The following SLIT3 variants were observed in gnomAD, a reference collection of about 807,000 sequenced individuals.
The protein encoded by SLIT3 is slit guidance ligand 3.
Under a neutral mutation model 184.0 loss-of-function variants are expected in SLIT3, and 68 were observed. That is an observed-to-expected ratio of 0.37 (90% CI 0.30 to 0.45). The LOEUF is 0.45. Among genes scored for constraint, SLIT3 ranks in the 20% least tolerant of loss-of-function variants. The pLI, the probability that SLIT3 is intolerant of heterozygous loss-of-function variation, is 1.00. For synonymous variants in SLIT3, 831 were observed against 828.6 expected, an observed-to-expected ratio of 1.00 and a Z score of -0.05; for missense variants, 1,707 against 2,026.0, an observed-to-expected ratio of 0.84 and a Z score of 3.02.
chr5:169,197,193 T>C (rs1218275203), intron 3 of SLIT3, among the ~76,000 whole-genome samples: 1 of 152,164 alleles, frequency 6.6e-6, no homozygotes, highest in East Asian at 1.9e-4. Flanking sequence ...AATTGTGTGC[T>C]GCCCACTGCT....
At chr5:168,918,288 T>C (rs1761510671) in intron 4 of SLIT3, among the ~76,000 whole-genome samples, 1 of 152,138 alleles carries the variant, frequency 6.6e-6, no homozygotes, top group Non-Finnish European at 1.5e-5. Flanking sequence ...AAATTCAAGG[T>C]GTGGAGAGAC....
intron 32 of SLIT3, among the ~76,000 whole-genome samples, chr5:168,676,251 T>G (rs929228390): frequency 5.9e-5 from 9 of 152,206 alleles, no homozygotes; most frequent in Non-Finnish European, 1.0e-4. Context: ...CACCTCGTCC[T>G]GGGTGCTGTG....
At position 169,251,466 on chromosome 5, in the gene SLIT3, T is replaced by A. The variant is rs1253244124; in HGVS notation, c.198-7A>T. 1.9e-6 allele frequency: 3 copies of A among 1,606,040 alleles called. No individual in the cohort carries two copies. In the African/African-American group the frequency reaches 4.0e-5, roughly 21 times the overall value. ...ATTATTTCTGTCCAGGTCACTGCAA[T>A]GGAGAGCAAATTCAGGTCAGATTTT... On this transcript the variant is annotated splice_polypyrimidine_tract_variant and splice_region_variant and intron_variant, in intron 1 of 35. Transcript: ENST00000519560.
rs1767660004 is a variant in SLIT3, at chr5:169,300,815, G to C, written c.-106C>G. 1.2e-5 allele frequency: 14 copies of C among 1,155,724 alleles called. No individual in the cohort carries two copies. Among genetic ancestry groups the C allele is most frequent in the Non-Finnish European group, 1.3e-5 (12 of 923,142 alleles). 71.6% of individuals were successfully genotyped at this position (1,155,724 alleles called of 1,614,324 possible). On this transcript the variant is annotated 5_prime_UTR_variant, in exon 1 of 36. Coordinates refer to ENST00000519560, the MANE Select transcript of SLIT3 (RefSeq NM_003062.4). The surrounding 1 kb of genome is among the most constrained non-coding windows in gnomAD (Gnocchi z 4.1). ...CGGGCGGCCTGGGGAGCGGGCGGCG[G>C]AGTTAGCGCGGAGGAGGGGCGAGCT...
chr5:168,981,595 G>T (rs1754947535), intron 4 of SLIT3, among the ~76,000 whole-genome samples: 1 of 152,154 alleles, frequency 6.6e-6, no homozygotes, highest in African/African-American at 2.4e-5. Context: ...CATTATTGTA[G>T]ATAGAGCTGA....
intron 8 of SLIT3, among the ~76,000 whole-genome samples, chr5:168,812,527 T>C (rs1430594962): frequency 2.0e-5 from 3 of 152,198 alleles, no homozygotes; most frequent in Non-Finnish European, 4.4e-5. Context: ...TTTGAAAGTC[T>C]GAACAACAAC....
At chr5:169,180,768 G>A (rs75030627) in intron 4 of SLIT3, among the ~76,000 whole-genome samples, 1 of 152,124 alleles carries the variant, frequency 6.6e-6, no homozygotes, top group Non-Finnish European at 1.5e-5. Flanking sequence ...TTTAAATAAA[G>A]GAAGTGTCAC....
intron 4 of SLIT3, among the ~76,000 whole-genome samples, chr5:169,110,638 C>T (rs530274413): frequency 6.6e-6 from 1 of 152,182 alleles, no homozygotes; most frequent in Admixed American, 6.5e-5. Flanking sequence ...TCTGTAAAGA[C>T]CCTATTTCCA....
intron 5 of SLIT3, among the ~76,000 whole-genome samples, chr5:168,856,804 T>TGCGCGCGC (rs1330091597): frequency 9.4e-5 from 13 of 138,202 alleles, no homozygotes; most frequent in African/African-American, 3.7e-4. Context: ...TGTGTGTGTG[T>TGCGCGCGC]GTGCGCGCGC....
rs1761174446 is a variant in SLIT3 at position 168,669,680 on chromosome 5, G to A, written c.4336+103C>T. On this transcript the variant is annotated intron_variant, in intron 35 of 35. Transcript: ENST00000519560. The stretch of plus-strand genomic sequence containing the variant: ...CAGAAAGTGACTGAACCAAGGTCAT[G>A]CAGCCTTTAAGTGGCACAGCCAGAA... The A allele has an allele frequency of 8.8e-6, 8 of 906,316 alleles. No homozygotes were observed. In the South Asian group the frequency reaches 1.1e-4, roughly 12 times the overall value. The allele number at this position is 906,316 out of a possible 1,614,324, so 56.1% of individuals were successfully genotyped here. A position where few individuals can be genotyped will look rare whatever the true frequency, so the allele number is the denominator to read the frequency against.
Position 169,088,632 on chromosome 5 carries a change from C to A in SLIT3, c.413+104847G>T, listed in dbSNP as rs190656707. On this transcript the variant is annotated intron_variant, in intron 4 of 35. Transcript: ENST00000519560. Reference sequence around the variant, plus strand: ...CCATGAGCTGGGGCAAGGGTCTTTCCGAGAATCAGATTGAGCACTGGCTGC... The same window carrying A: ...CCATGAGCTGGGGCAAGGGTCTTTCAGAGAATCAGATTGAGCACTGGCTGC... Among the ~76,000 whole-genome samples the A allele has an allele frequency of 2.6e-5, 4 of 152,102 alleles. 1 individual carries two copies. The highest frequency in any genetic ancestry group is 9.6e-5 in the African/African-American group (4 of 41,482).
At chr5:169,052,351 C>A (rs991086270) in intron 4 of SLIT3, among the ~76,000 whole-genome samples, 15 of 152,232 alleles carry the variant, frequency 9.9e-5, no homozygotes, top group African/African-American at 2.6e-4. Context: ...GTCATGAGGC[C>A]ACAACAGATT....
intron 4 of SLIT3, among the ~76,000 whole-genome samples, chr5:169,052,005 G>A (rs940910801): frequency 2.0e-5 from 3 of 152,144 alleles, no homozygotes; most frequent in Non-Finnish European, 4.4e-5. Flanking sequence ...AAGGAAAGGC[G>A]ATGTACTGAA....
Position 168,873,057 on chromosome 5 carries a change from C to T in SLIT3, c.485+10208G>A, listed in dbSNP as rs1398397871. ...CTGATACCAAGCCAGAAATGCTTTT[C>T]CAACACTCCCCATGAATCTGTCTGT... On this transcript the variant is annotated intron_variant, in intron 5 of 35. Coordinates refer to ENST00000519560, the MANE Select transcript of SLIT3 (RefSeq NM_003062.4). 5.3e-5 allele frequency among the ~76,000 whole-genome samples: 8 copies of T among 152,264 alleles called. No individual in the cohort carries two copies. In the East Asian group the frequency reaches 5.8e-4, roughly 11 times the overall value.
chr5:169,106,040 G>A lies in SLIT3; in HGVS notation c.413+87439C>T, dbSNP rs533481753. Reference sequence around the variant, plus strand: ...CACATGGGGGGAAACAACACATGCTGGAGCCTGTTGGGGGGGCAGGGGGAA... The same window carrying A: ...CACATGGGGGGAAACAACACATGCTAGAGCCTGTTGGGGGGGCAGGGGGAA... On this transcript the variant is annotated intron_variant, in intron 4 of 35. Transcript: ENST00000519560. Among the ~76,000 whole-genome samples, 261 of 145,596 alleles carry A rather than the reference G, an allele frequency of 1.8e-3. 1 individual carries two copies. The highest frequency in any genetic ancestry group is 2.5e-3 in the Non-Finnish European group (165 of 65,820).
chr5:168,986,274 G>A (rs967966113), intron 4 of SLIT3, among the ~76,000 whole-genome samples: 2 of 152,078 alleles, frequency 1.3e-5, no homozygotes, highest in African/African-American at 4.8e-5. Flanking sequence ...TGATGAAATG[G>A]AGGCCAAAAG....
intron 4 of SLIT3, among the ~76,000 whole-genome samples, chr5:169,167,268 CTTTTTT>C (rs11287374): frequency 7.7e-5 from 7 of 90,588 alleles, no homozygotes; most frequent in Non-Finnish European, 1.2e-4. Context: ...GTTCTAAGCA[CTTTTTT>C]TTTTTTTTTT....
At chr5:169,233,967 G>A (rs149673359) in intron 3 of SLIT3, among the ~76,000 whole-genome samples, 39 of 152,228 alleles carry the variant, frequency 2.6e-4, no homozygotes, top group African/African-American at 9.1e-4. Flanking sequence ...GGTTTTTTAG[G>A]TAAAGAATTT....
intron 4 of SLIT3, among the ~76,000 whole-genome samples, chr5:169,044,875 G>C (rs905428636): frequency 3.9e-5 from 6 of 152,200 alleles, no homozygotes; most frequent in African/African-American, 1.4e-4. Flanking sequence ...TCTGGGCCTG[G>C]AGAAGGATAG....
Sources: gnomAD v4.1 joint callset for allele counts (sites outside exome capture counted in the v4.1 genomes callset) on GRCh38, gnomAD v4.1.1 for gene constraint, Gnocchi (gnomAD v3.1) non-coding constraint, MANE v1.5 for transcripts, NCBI Gene and HGNC (gene_info 2026-07-23, HGNC 2026-07-21) for gene names.